KCNH5: variants seen among roughly 807,000 people sequenced by gnomAD.
KCNH5 encodes voltage-gated delayed rectifier potassium channel KCNH5.
Under a neutral mutation model 96.1 loss-of-function variants are expected in KCNH5, and 46 were observed. That is an observed-to-expected ratio of 0.48 (90% confidence interval 0.38 to 0.61). The LOEUF (loss-of-function observed/expected upper bound fraction) is 0.61, where lower values mean the gene tolerates loss of function less well. KCNH5 is among the 20% of genes least tolerant of loss of function. The pLI is 0.00. For synonymous variants in KCNH5, 439 were observed against 449.8 expected, an observed-to-expected ratio of 0.98 and a Z score of 0.30; for missense variants, 907 against 1,225.8, an observed-to-expected ratio of 0.74 and a Z score of 3.88.
At chr14:62,743,515 T>C (rs544178120) in intron 10 of KCNH5, among the ~76,000 whole-genome samples, 15 of 152,376 alleles carry the variant, frequency 9.8e-5, no homozygotes, top group African/African-American at 3.6e-4. Flanking sequence ...AATTTAATTA[T>C]GTTAACTTGT....
intron 8 of KCNH5, among the ~76,000 whole-genome samples, chr14:62,824,125 G>T (rs1887170666): frequency 6.6e-6 from 1 of 151,942 alleles, no homozygotes; most frequent in African/African-American, 2.4e-5. Context: ...CTGTTTCATT[G>T]TTTCCCTATA....
At chr14:62,743,755 T>G (rs1885320982) in intron 10 of KCNH5, among the ~76,000 whole-genome samples, 1 of 152,090 alleles carries the variant, frequency 6.6e-6, no homozygotes, top group Admixed American at 6.6e-5. Context: ...GTGTCATATC[T>G]CTGGATCTGT....
At chr14:63,031,232 A>C (rs1891620323) in intron 1 of KCNH5, among the ~76,000 whole-genome samples, 1 of 152,008 alleles carries the variant, frequency 6.6e-6, no homozygotes, top group South Asian at 2.1e-4. Flanking sequence ...TTTTTGTTTT[A>C]TTTTGTTTTA....
intron 10 of KCNH5, among the ~76,000 whole-genome samples, chr14:62,732,721 A>C (rs1363063760): frequency 6.6e-6 from 1 of 152,140 alleles, no homozygotes; most frequent in South Asian, 2.1e-4. Context: ...ACCAATGGGA[A>C]GCACTAGAAG....
intron 10 of KCNH5, among the ~76,000 whole-genome samples, chr14:62,713,451 A>G (rs1033277691): frequency 1.3e-5 from 2 of 152,238 alleles, no homozygotes; most frequent in African/African-American, 4.8e-5. Flanking sequence ...AAGGTCTTGA[A>G]TCAGAACCTG....
At chr14:62,783,990 TTA>T (rs1172172928) in intron 9 of KCNH5, among the ~76,000 whole-genome samples, 3 of 151,854 alleles carry the variant, frequency 2.0e-5, no homozygotes, top group African/African-American at 4.8e-5. Context: ...TATTTTATAA[TTA>T]TATGTTATTA....
At chr14:62,965,336 G>A (rs1335339764) in intron 6 of KCNH5, among the ~76,000 whole-genome samples, 1 of 152,054 alleles carries the variant, frequency 6.6e-6, no homozygotes, top group South Asian at 2.1e-4. Flanking sequence ...GGTAGTGGGT[G>A]AGTTCTCACT....
intron 10 of KCNH5, among the ~76,000 whole-genome samples, chr14:62,724,969 C>G (rs1233456062): frequency 6.6e-6 from 1 of 152,202 alleles, no homozygotes; most frequent in East Asian, 1.9e-4. Context: ...CGAAGTACAC[C>G]TTGAGCTGTC....
intron 7 of KCNH5, among the ~76,000 whole-genome samples, chr14:62,926,489 G>A (rs1319100306): frequency 2.0e-5 from 3 of 152,020 alleles, no homozygotes; most frequent in African/African-American, 7.2e-5. Flanking sequence ...GAAGAGCCTT[G>A]GTGTCTTAGT....
intron 8 of KCNH5, among the ~76,000 whole-genome samples, chr14:62,831,875 G>T (rs243153): frequency 7.3e-5 from 11 of 151,664 alleles, no homozygotes; most frequent in Non-Finnish European, 1.6e-4. Context: ...TGTCTGGCTA[G>T]TTTTTTTTCT....
At chr14:63,017,441 T>G (rs1377247721) in intron 1 of KCNH5, among the ~76,000 whole-genome samples, 1 of 151,904 alleles carries the variant, frequency 6.6e-6, no homozygotes, top group East Asian at 1.9e-4. Flanking sequence ...AGACTAATCT[T>G]GAAAAGTCTA....
intron 7 of KCNH5, among the ~76,000 whole-genome samples, chr14:62,884,452 G>T (rs566268806): frequency 1.3e-5 from 2 of 152,108 alleles, no homozygotes; most frequent in African/African-American, 4.8e-5. Flanking sequence ...ACGGTGAAAC[G>T]CTGTCTCTAC....
intron 7 of KCNH5, among the ~76,000 whole-genome samples, chr14:62,929,810 C>A (rs143830967): frequency 1.3e-5 from 2 of 152,078 alleles, no homozygotes; most frequent in African/African-American, 4.8e-5. Flanking sequence ...ACTCCCTCCC[C>A]CTCTAGTAAT....
At chr14:62,853,456 C>CATATATATATATATGAT (rs1491420978) in intron 7 of KCNH5, among the ~76,000 whole-genome samples, 4 of 93,320 alleles carry the variant, frequency 4.3e-5, no homozygotes, top group African/African-American at 9.9e-5. Context: ...AAAGAATAAT[C>CATATATATATATATGAT]ATATATATAT....
chr14:62,982,921 G>A (rs1201412319), intron 5 of KCNH5, among the ~76,000 whole-genome samples: 1 of 152,124 alleles, frequency 6.6e-6, no homozygotes, highest in Non-Finnish European at 1.5e-5. Flanking sequence ...CTACCAGGAG[G>A]TAAGATTCAT....
intron 7 of KCNH5, among the ~76,000 whole-genome samples, chr14:62,882,696 T>C (rs772928385): frequency 6.6e-6 from 1 of 152,224 alleles, no homozygotes; most frequent in Non-Finnish European, 1.5e-5. Context: ...TGTAGTTTAC[T>C]AAATTTGCTT....
chr14:62,744,673 C>A lies in KCNH5; in HGVS notation c.2019+35055G>T, dbSNP rs532028452. On this transcript the variant is annotated intron_variant, in intron 10 of 10. Coordinates refer to ENST00000322893, the MANE Select transcript of KCNH5 (RefSeq NM_139318.5). The stretch of plus-strand genomic sequence containing the variant: ...CACATAAGTTTGCATATTATAGATT[C>A]GTAAGTAGATAAACTAAATGAAAAT... Among the ~76,000 whole-genome samples the A allele has an allele frequency of 3.3e-5, 5 of 152,222 alleles. No homozygotes were observed. The East Asian group carries it at 7.7e-4, about 24-fold the overall frequency.
At chr14:62,748,319 C>T (rs1281469478) in intron 10 of KCNH5, among the ~76,000 whole-genome samples, 2 of 152,094 alleles carry the variant, frequency 1.3e-5, no homozygotes, top group African/African-American at 4.8e-5. Flanking sequence ...TTGCAAGAAT[C>T]GATATTATTA....
chr14:62,779,144 A>G (rs1389847268), intron 10 of KCNH5, among the ~76,000 whole-genome samples: 1 of 152,230 alleles, frequency 6.6e-6, no homozygotes, highest in Non-Finnish European at 1.5e-5. Context: ...CATGCAAATT[A>G]AATTTGTGTC....
Sources: gnomAD v4.1 joint callset for allele counts (sites outside exome capture counted in the v4.1 genomes callset) on GRCh38, gnomAD v4.1.1 for gene constraint, MANE v1.5 for transcripts, NCBI Gene and HGNC (gene_info 2026-07-23, HGNC 2026-07-21) for gene names.